TMEM132D: variants seen among roughly 807,000 people sequenced by gnomAD.
TMEM132D encodes the protein transmembrane protein 132D.
In TMEM132D, 21 loss-of-function variants were observed where a neutral mutation model predicts 62.3. That is an observed-to-expected ratio of 0.34 (90% CI 0.24 to 0.49). The LOEUF is 0.49. Ranked by LOEUF, TMEM132D falls within the 20% of genes least tolerant of loss-of-function variation. TMEM132D has a pLI of 0.99. For synonymous variants in TMEM132D, 621 were observed against 575.6 expected (o/e 1.08, Z -1.13); for missense variants, 1,346 against 1,402.8 (o/e 0.96, Z 0.65).
rs972086427 is a variant in TMEM132D at position 129,801,054 on chromosome 12, C to T, written c.80-100356G>A. On this transcript the variant is annotated intron_variant, in intron 1 of 8. Coordinates refer to ENST00000422113, the MANE Select transcript of TMEM132D (RefSeq NM_133448.3). ...AGGAGATTATATCCCGCACCTGGCT[C>T]GGAGGGTCCTGGCCCACAGAGTCTC... Among the ~76,000 whole-genome samples, 10 of 152,204 alleles carry T rather than the reference C, an allele frequency of 6.6e-5. No individual in the cohort carries two copies. In the East Asian group the frequency reaches 7.7e-4, roughly 12 times the overall value.
chr12:129,413,659 C>T (rs1397145844), intron 3 of TMEM132D, among the ~76,000 whole-genome samples: 1 of 152,156 alleles, frequency 6.6e-6, no homozygotes, highest in Non-Finnish European at 1.5e-5. Context: ...AATGATAACA[C>T]ATTTCCTAAG....
chr12:129,145,518 G>A (rs1381954184), intron 5 of TMEM132D, among the ~76,000 whole-genome samples: 5 of 152,028 alleles, frequency 3.3e-5, no homozygotes, highest in Admixed American at 6.6e-5. Context: ...TATGGCATCC[G>A]TGATCGCAAC....
intron 4 of TMEM132D, among the ~76,000 whole-genome samples, chr12:129,296,788 G>A (rs1593327443): frequency 6.6e-6 from 1 of 152,278 alleles, no homozygotes; most frequent in Non-Finnish European, 1.5e-5. Context: ...CCCAGAGCAG[G>A]GATTGGGGAA....
At chr12:129,429,826 C>T (rs12828542) in intron 3 of TMEM132D, among the ~76,000 whole-genome samples, 30,669 of 148,030 alleles carry the variant, frequency 0.21, 4,090 homozygotes, top group African/African-American at 0.38. Context: ...AGTGAGAACA[C>T]GCGGTGTTTG....
At chr12:129,739,257 A>G (rs530783928) in intron 1 of TMEM132D, among the ~76,000 whole-genome samples, 1 of 152,236 alleles carries the variant, frequency 6.6e-6, no homozygotes, top group Non-Finnish European at 1.5e-5. Flanking sequence ...GAATCGCTTC[A>G]ACACACATCC....
Position 129,140,214 on chromosome 12 carries a change from CCACA to C in TMEM132D, c.1444-55516_1444-55513del, listed in dbSNP as rs58179230. ...TCAAGGGAGATTTTAGGCGCTGTTA[CCACA>C]CACACACACACACACACACACACAC... On this transcript the variant is annotated intron_variant, in intron 5 of 8. Coordinates refer to ENST00000422113, the MANE Select transcript of TMEM132D (RefSeq NM_133448.3). Among the ~76,000 whole-genome samples, 25 of 148,660 alleles carry C rather than the reference CCACA, an allele frequency of 1.7e-4. No homozygotes were observed. The East Asian group carries it at 2.8e-3, about 17-fold the overall frequency.
At chr12:129,718,123 GAA>G in intron 1 of TMEM132D, among the ~76,000 whole-genome samples, 1 of 152,364 alleles carries the variant, frequency 6.6e-6, no homozygotes, top group South Asian at 2.1e-4. Flanking sequence ...CAAGTCCAGT[GAA>G]AACGAAGTCT....
intron 2 of TMEM132D, among the ~76,000 whole-genome samples, chr12:129,539,123 A>T (rs1445445578): frequency 6.6e-6 from 1 of 152,190 alleles, no homozygotes; most frequent in Non-Finnish European, 1.5e-5. Flanking sequence ...TTGCGAGTAC[A>T]GGACAAAGGA....
At chr12:129,301,699 C>T (rs573384166) in intron 4 of TMEM132D, among the ~76,000 whole-genome samples, 48 of 152,232 alleles carry the variant, frequency 3.2e-4, no homozygotes, top group Admixed American at 2.9e-3. Context: ...TGATTTTATG[C>T]ATTATTTAAT....
intron 1 of TMEM132D, among the ~76,000 whole-genome samples, chr12:129,869,373 G>A (rs552102831): frequency 1.0e-3 from 157 of 152,116 alleles, no homozygotes; most frequent in African/African-American, 3.5e-3. Flanking sequence ...CAAAATCCTC[G>A]GATGCTCAAT....
At chr12:129,601,107 T>C (rs1282609784) in intron 2 of TMEM132D, among the ~76,000 whole-genome samples, 1 of 152,228 alleles carries the variant, frequency 6.6e-6, no homozygotes, top group Admixed American at 6.5e-5. Context: ...TTTAACTAGA[T>C]CTTCTGGAGA....
chr12:129,357,583 G>C (rs1870112087), intron 3 of TMEM132D, among the ~76,000 whole-genome samples: 1 of 151,842 alleles, frequency 6.6e-6, no homozygotes, highest in South Asian at 2.1e-4. Context: ...GCAAGGAAGG[G>C]AGAAAGAAAG....
chr12:129,707,449 A>G (rs1005361528), intron 1 of TMEM132D, among the ~76,000 whole-genome samples: 2 of 152,080 alleles, frequency 1.3e-5, no homozygotes, highest in Non-Finnish European at 2.9e-5. Flanking sequence ...TTAAAATCCA[A>G]AGATTGGTAT....
In TMEM132D at chr12:129,283,703, A is replaced by G. The variant is rs114010542; in HGVS notation, c.1299+53931T>C. On this transcript the variant is annotated intron_variant, in intron 4 of 8. Transcript: ENST00000422113. ...GATGATTAGGGAGCAGGGCTCCTAT[A>G]CTCCAACACTCTCAGGCCGATACAC... Among the ~76,000 whole-genome samples the G allele has an allele frequency of 4.0e-3, 609 of 152,220 alleles. 4 individuals are homozygous for G. The highest frequency in any genetic ancestry group is 0.014 in the African/African-American group (583 of 41,538).
intron 5 of TMEM132D, among the ~76,000 whole-genome samples, chr12:129,180,616 G>A (rs577737558): frequency 2.0e-5 from 3 of 152,336 alleles, no homozygotes; most frequent in East Asian, 3.9e-4. Context: ...ATGGGGTTGA[G>A]TAAGGAGGAG....
intron 3 of TMEM132D, among the ~76,000 whole-genome samples, chr12:129,373,557 G>A (rs773070623): frequency 9.9e-5 from 15 of 152,050 alleles, no homozygotes; most frequent in Non-Finnish European, 2.1e-4. Context: ...GCGTGAACCC[G>A]GGAGGCGGAG....
chr12:129,338,065 G>C (rs2135658756), intron 3 of TMEM132D, among the ~76,000 whole-genome samples: 1 of 152,366 alleles, frequency 6.6e-6, no homozygotes, highest in South Asian at 2.1e-4. Flanking sequence ...TTTGTGGGCT[G>C]CTCAGCTGCC....
At chr12:129,655,152 T>G (rs2137186614) in intron 2 of TMEM132D, among the ~76,000 whole-genome samples, 1 of 152,126 alleles carries the variant, frequency 6.6e-6, no homozygotes, top group Middle Eastern at 3.4e-3. Flanking sequence ...TTTCACCATG[T>G]TGGCCAGGAG....
chr12:129,889,160 G>A (rs1304084749), intron 1 of TMEM132D, among the ~76,000 whole-genome samples: 2 of 152,324 alleles, frequency 1.3e-5, no homozygotes, highest in East Asian at 1.9e-4. Flanking sequence ...AGCCTCACTT[G>A]AGCACCTGGA....
Sources: gnomAD v4.1 joint callset for allele counts (sites outside exome capture counted in the v4.1 genomes callset) on GRCh38, gnomAD v4.1.1 for gene constraint, MANE v1.5 for transcripts, NCBI Gene and HGNC (gene_info 2026-07-23, HGNC 2026-07-21) for gene names.